The following RBM47 variants were observed in gnomAD, a reference collection of about 807,000 sequenced individuals.
RBM47 encodes the protein RNA binding motif protein 47, also known as RNA-binding protein 47.
A neutral mutation model predicts 47.1 loss-of-function variants in RBM47; 21 were observed. That is an observed-to-expected ratio of 0.45 (90% confidence interval 0.32 to 0.64). The LOEUF (loss-of-function observed/expected upper bound fraction) is 0.64. Among genes scored for constraint, RBM47 ranks in the 30% least tolerant of loss-of-function variants. The probability of loss-of-function intolerance (pLI) is 0.05; values close to 1 mark genes in which losing one functional copy is unlikely to be tolerated. For missense variants in RBM47, 708 were observed against 870.9 expected (o/e 0.81, Z 2.35); for synonymous variants, 375 against 361.7 (o/e 1.04, Z -0.42).
intron 1 of RBM47, among the ~76,000 whole-genome samples, chr4:40,578,381 T>C (rs182156316): frequency 6.6e-6 from 1 of 152,380 alleles, no homozygotes; most frequent in African/African-American, 2.4e-5. Flanking sequence ...CCTTTTCCTA[T>C]AATATGGAAG....
At chr4:40,627,116 C>T (rs2045290670) in intron 1 of RBM47, among the ~76,000 whole-genome samples, 1 of 152,126 alleles carries the variant, frequency 6.6e-6, no homozygotes, top group Non-Finnish European at 1.5e-5. Context: ...AGAGACTGTT[C>T]CCAAGAGGGA....
chr4:40,625,430 G>T (rs1046410556), intron 1 of RBM47, among the ~76,000 whole-genome samples: 2 of 152,120 alleles, frequency 1.3e-5, no homozygotes, highest in African/African-American at 4.8e-5. Context: ...TTAATATGCT[G>T]ACATTTCCTT....
chr4:40,620,378 G>T (rs558129559), intron 1 of RBM47, among the ~76,000 whole-genome samples: 1 of 150,930 alleles, frequency 6.6e-6, no homozygotes, highest in African/African-American at 2.4e-5. Context: ...GGTGGCAGGC[G>T]CCTGTAATCC....
At chr4:40,580,636 C>T (rs959345910) in intron 1 of RBM47, among the ~76,000 whole-genome samples, 2 of 152,244 alleles carry the variant, frequency 1.3e-5, no homozygotes, top group African/African-American at 4.8e-5. Flanking sequence ...CACCCGTTCT[C>T]TTTCCTTGCA....
At chr4:40,567,657 A>G (rs1731227621) in intron 1 of RBM47, among the ~76,000 whole-genome samples, 1 of 152,050 alleles carries the variant, frequency 6.6e-6, no homozygotes, top group African/African-American at 2.4e-5. Context: ...ACACATTTGA[A>G]GAAAGATTTA....
intron 1 of RBM47, among the ~76,000 whole-genome samples, chr4:40,586,065 C>T (rs1055017757): frequency 3.9e-5 from 6 of 152,204 alleles, no homozygotes; most frequent in Admixed American, 6.5e-5. Flanking sequence ...CTATGCAAAA[C>T]GCCATGGGGC....
intron 3 of RBM47, among the ~76,000 whole-genome samples, chr4:40,447,698 A>G (rs1714743291): frequency 6.7e-6 from 1 of 150,372 alleles, no homozygotes; most frequent in African/African-American, 2.4e-5. Flanking sequence ...CCAAGATGGT[A>G]AAACCCCATC....
intron 2 of RBM47, among the ~76,000 whole-genome samples, chr4:40,515,448 G>A (rs774569545): frequency 1.3e-5 from 2 of 152,138 alleles, no homozygotes; most frequent in African/African-American, 4.8e-5. Flanking sequence ...GACCAAGACC[G>A]TCTAGAGAAG....
At chr4:40,601,204 T>G (rs1735257100) in intron 1 of RBM47, among the ~76,000 whole-genome samples, 2 of 152,102 alleles carry the variant, frequency 1.3e-5, no homozygotes. Flanking sequence ...TAGCTGTGTG[T>G]TTTAGGGCAA....
chr4:40,432,077 C>T (rs866337259), intron 6 of RBM47, among the ~76,000 whole-genome samples: 2 of 151,894 alleles, frequency 1.3e-5, no homozygotes, highest in Non-Finnish European at 2.9e-5. Flanking sequence ...TGGTCCTGAA[C>T]TCCTGGCCTC....
rs568598628 is a variant in RBM47 at position 40,437,875 on chromosome 4, G to C, written c.1019C>G (p.Ala340Gly). The stretch of plus-strand genomic sequence containing the variant: ...GGAGTACACGTAGCTGGGCTGCTGC[G>C]CTGCCTCAGCCGCGCCGCCGCCCCT... ...AARGGGAAEA[A>G]QQPSYVYSCD... Residue 340 changes from alanine to glycine, a missense_variant, in exon 4 of 7, where the codon GCG becomes GGG. Coordinates refer to ENST00000295971, the MANE Select transcript of RBM47 (RefSeq NM_001098634.2). The C allele has an allele frequency of 6.2e-7, 1 of 1,613,814 alleles. No homozygotes were observed. Among genetic ancestry groups the C allele is most frequent in the Non-Finnish European group, 8.5e-7 (1 of 1,180,022 alleles).
intron 2 of RBM47, among the ~76,000 whole-genome samples, chr4:40,469,140 T>C (rs964425795): frequency 6.6e-6 from 1 of 152,230 alleles, no homozygotes; most frequent in Admixed American, 6.5e-5. Flanking sequence ...GTGCAGAATT[T>C]TGAGTTTTCA....
Position 40,432,551 on chromosome 4 carries a change from A to G in RBM47, c.1542+100T>C, listed in dbSNP as rs898923536. The G allele has an allele frequency of 1.9e-5, 29 of 1,549,020 alleles. 1 individual carries two copies. The highest frequency in any genetic ancestry group is 7.0e-5 in the African/African-American group (5 of 71,334). On this transcript the variant is annotated intron_variant, in intron 6 of 6. Coordinates refer to ENST00000295971, the MANE Select transcript of RBM47 (RefSeq NM_001098634.2). ...TCACCCAACCATAGCTGTAACAGAG[A>G]GCCAGGCACACAGTAAATTCTCAGT...
chr4:40,567,926 G>T (rs1731248459), intron 1 of RBM47, among the ~76,000 whole-genome samples: 1 of 151,940 alleles, frequency 6.6e-6, no homozygotes, highest in African/African-American at 2.4e-5. Flanking sequence ...ACTGACCTCT[G>T]TTATGATCTC....
At chr4:40,498,052 TTTTATATATA>T (rs1722847470) in intron 2 of RBM47, among the ~76,000 whole-genome samples, 1 of 75,216 alleles carries the variant, frequency 1.3e-5, no homozygotes, top group Non-Finnish European at 2.7e-5. Flanking sequence ...TAAGTGCTTG[TTTTATATATA>T]TATATATATA....
At chr4:40,616,368 G>GA (rs56280844) in intron 1 of RBM47, among the ~76,000 whole-genome samples, 31,010 of 140,946 alleles carry the variant, frequency 0.22, 3,429 homozygotes, top group Admixed American at 0.27. Context: ...AAAAAAAAAA[G>GA]AAAAAAAAAA....
intron 2 of RBM47, among the ~76,000 whole-genome samples, chr4:40,494,421 A>C (rs1386010821): frequency 6.6e-6 from 1 of 152,190 alleles, no homozygotes. Context: ...GACAAGTCAA[A>C]TACTTAGTGT....
At chr4:40,537,803 C>T (rs1056198884) in intron 2 of RBM47, among the ~76,000 whole-genome samples, 1 of 151,668 alleles carries the variant, frequency 6.6e-6, no homozygotes, top group African/African-American at 2.4e-5. Context: ...AATGTAAATT[C>T]GGCGCAATTA....
intron 2 of RBM47, among the ~76,000 whole-genome samples, chr4:40,485,756 A>G (rs190312675): frequency 3.9e-4 from 60 of 152,234 alleles, no homozygotes; most frequent in Non-Finnish European, 7.4e-4. Flanking sequence ...ATATGAGAAT[A>G]TACTGTTATA....
Sources: gnomAD v4.1 joint callset for allele counts (sites outside exome capture counted in the v4.1 genomes callset) on GRCh38, gnomAD v4.1.1 for gene constraint, MANE v1.5 for transcripts, NCBI Gene and HGNC (gene_info 2026-07-23, HGNC 2026-07-21) for gene names.